CGGBP1: variants seen among roughly 807,000 people sequenced by gnomAD.
CGGBP1 encodes the protein CGG triplet repeat-binding protein 1.
A neutral mutation model predicts 11.4 loss-of-function variants in CGGBP1; 4 were observed. The ratio of observed to expected loss-of-function variants is 0.35; its 90% CI spans 0.17 to 0.80. The LOEUF (loss-of-function observed/expected upper bound fraction) is 0.80, where lower values mean the gene tolerates loss of function less well. CGGBP1 is among the 30% of genes least tolerant of loss of function. The probability of loss-of-function intolerance (pLI) is 0.52; values close to 1 mark genes in which losing one functional copy is unlikely to be tolerated. For missense variants in CGGBP1, 135 were observed against 202.1 expected (o/e 0.67, Z 2.01); for synonymous variants, 76 against 74.1 (o/e 1.03, Z -0.13).
intron 2 of CGGBP1, among the ~76,000 whole-genome samples, chr3:88,085,989 G>T (rs1184980483): frequency 6.6e-6 from 1 of 152,068 alleles, no homozygotes; most frequent in Non-Finnish European, 1.5e-5. Flanking sequence ...GAGGTAAAGG[G>T]CATTAGTTAA....
intron 2 of CGGBP1, among the ~76,000 whole-genome samples, chr3:88,068,171 A>G (rs1156525201): frequency 2.0e-5 from 3 of 151,832 alleles, no homozygotes; most frequent in African/African-American, 4.8e-5. Context: ...GAATTTGATC[A>G]TTGTGAATGC....
intron 2 of CGGBP1, among the ~76,000 whole-genome samples, chr3:88,136,676 G>A (rs1706804983): frequency 6.6e-6 from 1 of 152,180 alleles, no homozygotes; most frequent in South Asian, 2.1e-4. Context: ...GGTGGGGGAT[G>A]AGACTAATGG....
chr3:88,069,276 G>A (rs1451275106), intron 2 of CGGBP1, among the ~76,000 whole-genome samples: 1 of 152,132 alleles, frequency 6.6e-6, no homozygotes, highest in Non-Finnish European at 1.5e-5. Context: ...ACAAAAATTA[G>A]TCGGGCATGG....
intron 2 of CGGBP1, chr3:88,126,068 A>G: frequency 9.6e-6 from 13 of 1,358,696 alleles, no homozygotes; most frequent in Non-Finnish European, 1.2e-5. Flanking sequence ...TTTATTGACA[A>G]TGATGATCAA....
chr3:88,123,470 G>A (rs1050649427), intron 2 of CGGBP1, among the ~76,000 whole-genome samples: 2 of 152,202 alleles, frequency 1.3e-5, no homozygotes, highest in African/African-American at 4.8e-5. Flanking sequence ...GACACTAAGT[G>A]TGGGAGGTGT....
At chr3:88,059,351 A>C (rs1706700119), upstream of CGGBP1, 2 of 1,534,760 alleles carry the variant, frequency 1.3e-6, no homozygotes, top group East Asian at 2.4e-5. Context: ...CAAGAGGCCG[A>C]ACGCCTCGGA....
intron 2 of CGGBP1, among the ~76,000 whole-genome samples, chr3:88,116,134 CT>C (rs1031545860): frequency 1.3e-4 from 20 of 152,196 alleles, no homozygotes; most frequent in African/African-American, 4.8e-4. Context: ...TGTGGTCAAT[CT>C]CATTCTTGTT....
At chr3:88,070,564 T>G (rs1287003936) in intron 2 of CGGBP1, among the ~76,000 whole-genome samples, 1 of 1,572 alleles carries the variant, frequency 6.4e-4, no homozygotes, top group African/African-American at 2.6e-3. Context: ...ACACTGCCTG[T>G]TTTTTTTTTT....
intron 2 of CGGBP1, among the ~76,000 whole-genome samples, chr3:88,089,165 G>T (rs938779027): frequency 6.7e-6 from 1 of 148,626 alleles, no homozygotes; most frequent in African/African-American, 2.5e-5. Flanking sequence ...GATTATACCT[G>T]GCAAGTCTTA....
At chr3:88,119,207 A>G (rs1705604304) in intron 2 of CGGBP1, among the ~76,000 whole-genome samples, 1 of 148,460 alleles carries the variant, frequency 6.7e-6, no homozygotes, top group African/African-American at 2.5e-5. Context: ...ATGCAGCCAT[A>G]AAAAATGATG....
intron 2 of CGGBP1, among the ~76,000 whole-genome samples, chr3:88,129,306 A>C: frequency 7.2e-6 from 1 of 138,332 alleles, no homozygotes; most frequent in Non-Finnish European, 1.5e-5. Flanking sequence ...CAACAAGCTC[A>C]CAGCTTGCCA....
chr3:88,074,974 A>G (rs1252907905), intron 2 of CGGBP1, among the ~76,000 whole-genome samples: 1 of 152,158 alleles, frequency 6.6e-6, no homozygotes, highest in Non-Finnish European at 1.5e-5. Flanking sequence ...TCTGTTTGCC[A>G]TATTTTGTGG....
In CGGBP1 at chr3:88,053,248, C is replaced by A. The variant is rs2107554882; in HGVS notation, c.*2225G>T. The A allele has an allele frequency of 6.6e-6, 1 of 152,190 alleles. No homozygotes were observed. The highest frequency in any genetic ancestry group is 1.5e-5 in the Non-Finnish European group (1 of 67,954). The allele number at this position is 152,190 out of a possible 1,614,324, so 9.4% of individuals were successfully genotyped here. On this transcript the variant is annotated 3_prime_UTR_variant, in exon 4 of 4. Coordinates refer to ENST00000482016, the MANE Select transcript of CGGBP1 (RefSeq NM_001008390.2). ...CAATCATTCTGCTGTATTTATTTAACTTTAGACACAGTTAACTAGCTTCAG... is the reference window on the plus strand; with the variant it reads ...CAATCATTCTGCTGTATTTATTTAAATTTAGACACAGTTAACTAGCTTCAG...
rs545034688 is a variant in CGGBP1 at position 88,090,116 on chromosome 3, T to A, written c.-228-31893A>T. Reference sequence around the variant, plus strand: ...TTATTGATTTATGTACATGCTCTACTTTTTATTGTTATTTTAGAGTGTACC... The same window carrying A: ...TTATTGATTTATGTACATGCTCTACATTTTATTGTTATTTTAGAGTGTACC... On this transcript the variant is annotated intron_variant, in intron 2 of 3. Transcript: ENST00000462901. 2.8e-4 allele frequency among the ~76,000 whole-genome samples: 42 copies of A among 152,350 alleles called. No individual in the cohort carries two copies. The South Asian group carries it at 4.8e-3, about 17-fold the overall frequency.
chr3:88,076,537 T>C (rs1175804085), intron 2 of CGGBP1, among the ~76,000 whole-genome samples: 1 of 152,208 alleles, frequency 6.6e-6, no homozygotes, highest in Non-Finnish European at 1.5e-5. Context: ...TTTTCTTTAA[T>C]TTTTCCACTG....
At chr3:88,086,195 T>G (rs1234762151) in intron 2 of CGGBP1, 7 of 1,457,988 alleles carry the variant, frequency 4.8e-6, no homozygotes, top group Non-Finnish European at 6.4e-6. Context: ...TTTATGCAAA[T>G]TTTTAAACTC....
chr3:88,109,601 G>GA (rs1704965968), intron 2 of CGGBP1, among the ~76,000 whole-genome samples: 1 of 152,066 alleles, frequency 6.6e-6, no homozygotes, highest in Non-Finnish European at 1.5e-5. Flanking sequence ...ATCCAAAAAA[G>GA]AGTAAGGGTT....
intron 2 of CGGBP1, among the ~76,000 whole-genome samples, chr3:88,086,846 C>T (rs1328144768): frequency 6.7e-6 from 1 of 150,176 alleles, no homozygotes; most frequent in Non-Finnish European, 1.5e-5. Context: ...GCAGTGGTGC[C>T]ATCTCGGCTC....
chr3:88,116,050 C>T (rs1175512818), intron 2 of CGGBP1, among the ~76,000 whole-genome samples: 1 of 151,998 alleles, frequency 6.6e-6, no homozygotes, highest in Non-Finnish European at 1.5e-5. Context: ...CACTGGTATC[C>T]AGTCATGTCC....
Sources: gnomAD v4.1 joint callset for allele counts (sites outside exome capture counted in the v4.1 genomes callset) on GRCh38, gnomAD v4.1.1 for gene constraint, MANE v1.5 for transcripts, NCBI Gene and HGNC (gene_info 2026-07-23, HGNC 2026-07-21) for gene names.